Variants in SNTG2 observed in about 807,000 individuals in gnomAD.
The protein encoded by SNTG2 is gamma-2-syntrophin.
A neutral mutation model predicts 70.9 loss-of-function variants in SNTG2; 74 were observed. That is an observed-to-expected ratio of 1.04 (90% CI 0.86 to 1.27). The LOEUF is 1.27. SNTG2 is among the 50% of genes most tolerant of loss of function. SNTG2 has a pLI of 0.00. For synonymous variants in SNTG2, 278 were observed against 273.8 expected, an observed-to-expected ratio of 1.02 and a Z score of -0.15; for missense variants, 717 against 690.7, an observed-to-expected ratio of 1.04 and a Z score of -0.43.
intron 1 of SNTG2, among the ~76,000 whole-genome samples, chr2:1,018,556 C>T (rs554723634): frequency 2.0e-5 from 3 of 152,056 alleles, no homozygotes; most frequent in Non-Finnish European, 4.4e-5. Flanking sequence ...GGGTTGGGGC[C>T]GCTGTCAGAC....
At chr2:1,057,129 G>T (rs964410107) in intron 1 of SNTG2, among the ~76,000 whole-genome samples, 3 of 152,040 alleles carry the variant, frequency 2.0e-5, no homozygotes, top group Non-Finnish European at 4.4e-5. Flanking sequence ...CAAGCAGCTG[G>T]CCTATTTCTG....
intron 1 of SNTG2, among the ~76,000 whole-genome samples, chr2:1,081,979 C>T (rs1279023883): frequency 1.3e-5 from 2 of 152,200 alleles, no homozygotes; most frequent in African/African-American, 4.8e-5. Context: ...TGCAGTGGGG[C>T]ACACACTCTT....
intron 7 of SNTG2, among the ~76,000 whole-genome samples, chr2:1,166,602 G>A (rs754258219): frequency 6.6e-6 from 1 of 152,204 alleles, no homozygotes; most frequent in African/African-American, 2.4e-5. Flanking sequence ...GATACAGGAG[G>A]GGGGCAGGGA....
At chr2:1,134,868 G>T (rs151045138) in intron 4 of SNTG2, among the ~76,000 whole-genome samples, 1 of 152,290 alleles carries the variant, frequency 6.6e-6, no homozygotes, top group African/African-American at 2.4e-5. Flanking sequence ...GCCCTGCCCC[G>T]CGGGGAGGCA....
At chr2:1,170,868 C>T (rs28694653) in intron 7 of SNTG2, among the ~76,000 whole-genome samples, 48,166 of 151,694 alleles carry the variant, frequency 0.32, 8,166 homozygotes, top group East Asian at 0.65. Context: ...TGGATGCCGA[C>T]TACTGGAATT....
intron 9 of SNTG2, among the ~76,000 whole-genome samples, chr2:1,224,102 C>T (rs933501183): frequency 2.6e-5 from 4 of 152,276 alleles, no homozygotes; most frequent in Non-Finnish European, 4.4e-5. Flanking sequence ...CCTGCGGCCT[C>T]TTCTGTAAGG....
At chr2:1,096,645 T>C (rs1332090488) in intron 2 of SNTG2, among the ~76,000 whole-genome samples, 1 of 152,242 alleles carries the variant, frequency 6.6e-6, no homozygotes. Context: ...TTGCCACAGA[T>C]GGCAGGATTT....
chr2:1,031,617 G>A (rs1572258768), intron 1 of SNTG2, among the ~76,000 whole-genome samples: 1 of 144,220 alleles, frequency 6.9e-6, no homozygotes, highest in Admixed American at 7.1e-5. Flanking sequence ...TGCAACCTCC[G>A]CCTCCAGGGT....
chr2:1,314,258 A>G (rs1681161817), intron 15 of SNTG2, among the ~76,000 whole-genome samples: 2 of 152,254 alleles, frequency 1.3e-5, no homozygotes, highest in South Asian at 2.1e-4. Flanking sequence ...CAAAACCTCA[A>G]TAGCCAAGAC....
chr2:1,177,109 G>C (rs1671531244), intron 8 of SNTG2, among the ~76,000 whole-genome samples: 1 of 152,136 alleles, frequency 6.6e-6, no homozygotes, highest in South Asian at 2.1e-4. Context: ...ACTTGATAAA[G>C]GAAATGTGGT....
chr2:1,186,910 T>TCC (rs1672287944), intron 8 of SNTG2, among the ~76,000 whole-genome samples: 1 of 152,176 alleles, frequency 6.6e-6, no homozygotes, highest in Non-Finnish European at 1.5e-5. Flanking sequence ...ATTATAAATA[T>TCC]TTAAACAGAA....
intron 16 of SNTG2, chr2:1,341,338 A>G (rs994232497): frequency 3.9e-5 from 6 of 152,098 alleles, no homozygotes; most frequent in Non-Finnish European, 8.8e-5. Flanking sequence ...CATTTATTAC[A>G]CTCACATGTG....
At chr2:1,188,334 A>G (rs1372960349) in intron 8 of SNTG2, among the ~76,000 whole-genome samples, 1 of 152,206 alleles carries the variant, frequency 6.6e-6, no homozygotes, top group African/African-American at 2.4e-5. Context: ...CAGAAAAAGA[A>G]GAAAATGAGA....
At chr2:1,255,898 A>G (rs1572872802) in intron 12 of SNTG2, among the ~76,000 whole-genome samples, 1 of 74,768 alleles carries the variant, frequency 1.3e-5, no homozygotes, top group Non-Finnish European at 2.6e-5. Flanking sequence ...ATATATAAAT[A>G]TATATATAAA....
chr2:1,334,490 A>G (rs769727948), intron 16 of SNTG2, among the ~76,000 whole-genome samples: 2 of 152,344 alleles, frequency 1.3e-5, no homozygotes, highest in Admixed American at 6.5e-5. Context: ...ACACATGCAC[A>G]CAAATGTTTA....
At chr2:1,328,273 G>A (rs1381919181) in intron 16 of SNTG2, among the ~76,000 whole-genome samples, 1 of 152,082 alleles carries the variant, frequency 6.6e-6, no homozygotes, top group Non-Finnish European at 1.5e-5. Context: ...GTACCATGTA[G>A]GTAATATACA....
At chr2:991,372 T>TACACACACACACACACACAC (rs61002101) in intron 1 of SNTG2, among the ~76,000 whole-genome samples, 60 of 140,352 alleles carry the variant, frequency 4.3e-4, no homozygotes, top group East Asian at 1.2e-3. Flanking sequence ...TCTGTAATAT[T>TACACACACACACACACACAC]ACACACACAC....
chr2:1,358,154 C>T (rs970516249), intron 16 of SNTG2, among the ~76,000 whole-genome samples: 3 of 152,076 alleles, frequency 2.0e-5, no homozygotes, highest in African/African-American at 7.2e-5. Context: ...GGAACCAATC[C>T]TCATGCCCTC....
chr2:1,348,359 T>C (rs1660405576), intron 16 of SNTG2, among the ~76,000 whole-genome samples: 1 of 152,244 alleles, frequency 6.6e-6, no homozygotes, highest in African/African-American at 2.4e-5. Flanking sequence ...ATGATGCCTC[T>C]CTGGCATTAA....
Sources: gnomAD v4.1 joint callset for allele counts (sites outside exome capture counted in the v4.1 genomes callset) on GRCh38, gnomAD v4.1.1 for gene constraint, MANE v1.5 for transcripts, NCBI Gene and HGNC (gene_info 2026-07-23, HGNC 2026-07-21) for gene names.